Variants in HEMK2 observed in about 807,000 individuals in gnomAD.
HEMK2 encodes the protein HemK methyltransferase 2, ETF1 glutamine and histone H4 lysine, also known as methyltransferase HEMK2.
the HEMK2 span, among the ~76,000 whole-genome samples, chr21:28,634,575 C>T: frequency 6.6e-6 from 1 of 152,182 alleles, no homozygotes; most frequent in Non-Finnish European, 1.5e-5. Context: ...AGGTCAACTA[C>T]CTGTGTATTC....
chr21:28,591,836 CT>C, the HEMK2 span, among the ~76,000 whole-genome samples: 1 of 152,232 alleles, frequency 6.6e-6, no homozygotes, highest in East Asian at 1.9e-4. Flanking sequence ...TTTTCTAAGG[CT>C]AATGACCTCC....
chr21:28,723,845 C>A, the HEMK2 span, among the ~76,000 whole-genome samples: 1 of 152,204 alleles, frequency 6.6e-6, no homozygotes, highest in Non-Finnish European at 1.5e-5. Context: ...TATGAAGATA[C>A]GCAGCCAGCA....
chr21:28,879,767 CTG>C, the HEMK2 span: 1 of 834,214 alleles, frequency 1.2e-6, no homozygotes, highest in Non-Finnish European at 1.8e-6. Context: ...TCAGAGTAGT[CTG>C]TGATAGCAGC....
the HEMK2 span, among the ~76,000 whole-genome samples, chr21:28,818,031 A>C: frequency 7.9e-5 from 12 of 152,192 alleles, no homozygotes. Flanking sequence ...AAGCATGCAA[A>C]GTATTGTTCC....
chr21:28,676,240 T>G, the HEMK2 span, among the ~76,000 whole-genome samples: 6 of 152,180 alleles, frequency 3.9e-5, no homozygotes, highest in Non-Finnish European at 8.8e-5. Flanking sequence ...AAGGTTGATT[T>G]CTCCTGAGGC....
chr21:28,731,148 G>A, the HEMK2 span, among the ~76,000 whole-genome samples: 2 of 152,326 alleles, frequency 1.3e-5, no homozygotes, highest in East Asian at 1.9e-4. Context: ...GGAGAAGAGG[G>A]AAGGAGCAGA....
chr21:28,850,217 CT>C, the HEMK2 span, among the ~76,000 whole-genome samples: 2,055 of 94,336 alleles, frequency 0.022, 17 homozygotes, highest in African/African-American at 0.087. Context: ...ATTCAGCATT[CT>C]TTTTTTTTTT....
At chr21:28,634,056 T>C in the HEMK2 span, among the ~76,000 whole-genome samples, 1 of 152,340 alleles carries the variant, frequency 6.6e-6, no homozygotes, top group East Asian at 1.9e-4. Context: ...TTCCAATGAC[T>C]GACTGCCCGT....
chr21:28,791,362 G>A, the HEMK2 span, among the ~76,000 whole-genome samples: 1 of 152,172 alleles, frequency 6.6e-6, no homozygotes, highest in Non-Finnish European at 1.5e-5. Context: ...CTGTGTTTCT[G>A]AGATGGTGGG....
chr21:28,617,848 G>A, the HEMK2 span, among the ~76,000 whole-genome samples: 1 of 151,364 alleles, frequency 6.6e-6, no homozygotes, highest in East Asian at 1.9e-4. Context: ...GAGTGCAGTG[G>A]CATGATCATG....
chr21:28,776,791 C>T, the HEMK2 span, among the ~76,000 whole-genome samples: 1 of 152,132 alleles, frequency 6.6e-6, no homozygotes. Context: ...GCATCCAGCA[C>T]GGGAGAAGGA....
chr21:28,658,919 T>C, the HEMK2 span, among the ~76,000 whole-genome samples: 3 of 152,134 alleles, frequency 2.0e-5, no homozygotes, highest in South Asian at 4.1e-4. Context: ...CCCTCCAATA[T>C]ATTAGCTAAA....
chr21:28,771,521 C>CCCCCCCCCCCCCCCCCA, the HEMK2 span, among the ~76,000 whole-genome samples: 3 of 131,476 alleles, frequency 2.3e-5, no homozygotes, highest in South Asian at 2.7e-4. Context: ...ATGCACCACC[C>CCCCCCCCCCCCCCCCCA]CCCCCCGCCA....
the HEMK2 span, among the ~76,000 whole-genome samples, chr21:28,586,008 C>T: frequency 1.1e-4 from 17 of 152,210 alleles, no homozygotes; most frequent in African/African-American, 4.1e-4. Flanking sequence ...GCAGGATGCA[C>T]ATATTATTTA....
At chr21:28,737,204 A>G in the HEMK2 span, among the ~76,000 whole-genome samples, 1 of 152,202 alleles carries the variant, frequency 6.6e-6, no homozygotes, top group African/African-American at 2.4e-5. Flanking sequence ...AGCTCACTGA[A>G]GCCTCTGCTT....
At chr21:28,621,586 G>C in the HEMK2 span, among the ~76,000 whole-genome samples, 1 of 152,178 alleles carries the variant, frequency 6.6e-6, no homozygotes, top group Non-Finnish European at 1.5e-5. Context: ...AAAGGGTGGT[G>C]GGATTATCAT....
At chr21:28,731,526 C>T in the HEMK2 span, among the ~76,000 whole-genome samples, 1 of 149,454 alleles carries the variant, frequency 6.7e-6, no homozygotes, top group Non-Finnish European at 1.5e-5. Context: ...AATGGCTTGG[C>T]CAGGAAACAA....
the HEMK2 span, among the ~76,000 whole-genome samples, chr21:28,811,675 A>G: frequency 1.3e-5 from 2 of 152,122 alleles, 1 homozygote; most frequent in East Asian, 3.8e-4. Context: ...GCTTTACAAT[A>G]ATTCTGTATG....
the HEMK2 span, among the ~76,000 whole-genome samples, chr21:28,742,998 A>G: frequency 3.3e-5 from 5 of 152,166 alleles, no homozygotes; most frequent in African/African-American, 1.2e-4. Flanking sequence ...AAAATTAATG[A>G]ATGCGCTGTA....
Sources: allele counts gnomAD v4.1 joint callset (sites outside exome capture counted in the v4.1 genomes callset), GRCh38; gene constraint gnomAD v4.1.1; transcripts MANE v1.5; gene names NCBI Gene and HGNC (gene_info 2026-07-23, HGNC 2026-07-21).